The following DOK6 variants were observed in gnomAD, a reference collection of about 807,000 sequenced individuals.
The protein encoded by DOK6 is downstream of tyrosine kinase 6.
Under a neutral mutation model 44.0 loss-of-function variants are expected in DOK6, and 22 were observed. That is an observed-to-expected ratio of 0.50 (90% CI 0.36 to 0.71). DOK6 has a LOEUF of 0.71. Ranked by LOEUF, DOK6 falls within the 30% of genes least tolerant of loss-of-function variation. DOK6 has a pLI of 0.00. For missense variants in DOK6, 340 were observed against 416.4 expected (o/e 0.82, Z 1.60); for synonymous variants, 166 against 145.5 (o/e 1.14, Z -1.01).
At chr18:69,428,359 C>T (rs1376188158) in intron 1 of DOK6, among the ~76,000 whole-genome samples, 6 of 152,050 alleles carry the variant, frequency 3.9e-5, no homozygotes, top group Admixed American at 1.3e-4. Context: ...TTCATTCATT[C>T]CATGATACAG....
At chr18:69,726,429 G>A (rs532748659) in intron 5 of DOK6, among the ~76,000 whole-genome samples, 11 of 152,108 alleles carry the variant, frequency 7.2e-5, no homozygotes, top group South Asian at 2.1e-4. Flanking sequence ...TAATCTCACC[G>A]GGGAGAATAT....
chr18:69,623,621 C>G (rs1451146045), intron 3 of DOK6, among the ~76,000 whole-genome samples: 2 of 152,126 alleles, frequency 1.3e-5, no homozygotes, highest in African/African-American at 4.8e-5. Context: ...CAACTGTTAG[C>G]TCTAAGACGC....
At chr18:69,731,836 C>T (rs117972730) in intron 5 of DOK6, among the ~76,000 whole-genome samples, 1 of 152,260 alleles carries the variant, frequency 6.6e-6, no homozygotes, top group East Asian at 1.9e-4. Context: ...TCATAAATGA[C>T]AGAATTCAAG....
intron 5 of DOK6, among the ~76,000 whole-genome samples, chr18:69,713,611 A>T (rs1476690715): frequency 6.6e-6 from 1 of 152,298 alleles, no homozygotes; most frequent in East Asian, 1.9e-4. Context: ...TTTGCACATG[A>T]CAATTATTTT....
At chr18:69,824,160 A>G (rs1039022827) in intron 7 of DOK6, among the ~76,000 whole-genome samples, 25 of 150,174 alleles carry the variant, frequency 1.7e-4, no homozygotes, top group Non-Finnish European at 2.7e-4. Context: ...TCGTCATTTA[A>G]CATTAGGTAT....
intron 1 of DOK6, among the ~76,000 whole-genome samples, chr18:69,535,358 A>G (rs1193957943): frequency 2.0e-5 from 3 of 152,018 alleles, no homozygotes; most frequent in African/African-American, 7.2e-5. Context: ...CAGGAAAGCA[A>G]TTGCTTTCTG....
At chr18:69,837,408 G>A (rs1327049920) in intron 7 of DOK6, among the ~76,000 whole-genome samples, 1 of 152,174 alleles carries the variant, frequency 6.6e-6, no homozygotes, top group East Asian at 1.9e-4. Context: ...TATTCATGAT[G>A]ACAGAGCCCT....
At chr18:69,708,026 AG>A (rs1986674294) in intron 5 of DOK6, among the ~76,000 whole-genome samples, 1 of 152,180 alleles carries the variant, frequency 6.6e-6, no homozygotes, top group Non-Finnish European at 1.5e-5. Context: ...AGCGGATTTT[AG>A]CTGCTGGAGA....
chr18:69,403,950 C>G lies in DOK6; in HGVS notation c.66+2640C>G, dbSNP rs948333394. Among the ~76,000 whole-genome samples, 4 of 152,140 alleles carry G rather than the reference C, an allele frequency of 2.6e-5. No individual in the cohort carries two copies. In the South Asian group the frequency reaches 8.3e-4, roughly 32 times the overall value. ...AACATATTTTTTAACTCCAAGGACA[C>G]GATGAGTTTTTGTGATTTATGTCCA... On this transcript the variant is annotated intron_variant, in intron 1 of 7. Coordinates refer to ENST00000382713, the MANE Select transcript of DOK6 (RefSeq NM_152721.6).
chr18:69,459,187 TTGTGTGTGTGTGTGTGTGTGTGTG>T (rs71176967), intron 1 of DOK6, among the ~76,000 whole-genome samples: 1 of 136,876 alleles, frequency 7.3e-6, no homozygotes. Flanking sequence ...AAAAAATATT[TTGTGTGTGTGTGTGTGTGTGTGTG>T]TGTGTGTGTG....
chr18:69,588,769 A>G (rs1983561730), intron 2 of DOK6, among the ~76,000 whole-genome samples: 1 of 152,116 alleles, frequency 6.6e-6, no homozygotes, highest in Non-Finnish European at 1.5e-5. Context: ...AGAGTATTAT[A>G]GTTAATTTTA....
Position 69,846,390 on chromosome 18 carries a change from T to C in DOK6, c.*5007T>C, listed in dbSNP as rs1012674315. On this transcript the variant is annotated 3_prime_UTR_variant, in exon 8 of 8. Transcript: ENST00000382713. ...CCTTGGCTCCATGGCATCTCCCAGT[T>C]TGACATAGTGGGAGCTGAGAAATGC... 8.5e-5 allele frequency: 13 copies of C among 152,224 alleles called. No individual in the cohort carries two copies. Among genetic ancestry groups the C allele is most frequent in the African/African-American group, 2.9e-4 (12 of 41,456 alleles). The allele number at this position is 152,224 out of a possible 1,614,324, so 9.4% of individuals were successfully genotyped here.
chr18:69,681,163 T>C (rs1986034782), intron 4 of DOK6, among the ~76,000 whole-genome samples: 1 of 152,204 alleles, frequency 6.6e-6, no homozygotes, highest in Non-Finnish European at 1.5e-5. Flanking sequence ...TAGTTTGAAC[T>C]TTTTCTACTA....
chr18:69,795,140 G>C (rs996310399), intron 7 of DOK6, among the ~76,000 whole-genome samples: 1 of 152,032 alleles, frequency 6.6e-6, no homozygotes, highest in Non-Finnish European at 1.5e-5. Context: ...AAGGTTGTGG[G>C]CGTCTGATAT....
intron 6 of DOK6, among the ~76,000 whole-genome samples, chr18:69,743,665 G>GA (rs922280900): frequency 1.4e-4 from 21 of 150,428 alleles, no homozygotes; most frequent in African/African-American, 4.4e-4. Flanking sequence ...ACAAGAATGA[G>GA]AAAAAAAAAG....
chr18:69,639,722 T>TGGGG (rs1443337364), intron 3 of DOK6, among the ~76,000 whole-genome samples: 1 of 151,104 alleles, frequency 6.6e-6, no homozygotes, highest in African/African-American at 2.4e-5. Context: ...GAAGAAAGAG[T>TGGGG]GGGGAGGAAA....
At position 69,714,953 on chromosome 18, in the gene DOK6, T is replaced by C. The variant is rs548575854; in HGVS notation, c.599+16360T>C. ...CAAATCATACCGTAGAAAATTACTT[T>C]GTATATTTATTTAATGTGTTTTTTT... On this transcript the variant is annotated intron_variant, in intron 5 of 7. Transcript: ENST00000382713. Among the ~76,000 whole-genome samples, 25 of 152,304 alleles carry C rather than the reference T, an allele frequency of 1.6e-4. No homozygotes were observed. The South Asian group carries it at 5.2e-3, about 32-fold the overall frequency.
intron 3 of DOK6, among the ~76,000 whole-genome samples, chr18:69,674,311 G>A (rs1809401725): frequency 6.6e-6 from 1 of 152,108 alleles, no homozygotes; most frequent in African/African-American, 2.4e-5. Context: ...AGACTACAAA[G>A]GTTAATACTT....
Position 69,774,133 on chromosome 18 carries a change from G to GATATATAGATATATAT in DOK6, c.856+16267_856+16268insGATATATATATATATA, listed in dbSNP as rs1979979479. On this transcript the variant is annotated intron_variant, in intron 7 of 7. Transcript: ENST00000382713. ...TAGATTTATATAGATATATATATGA[G>GATATATAGATATATAT]ATATATATATATATATATATATAAT... 7.5e-5 allele frequency among the ~76,000 whole-genome samples: 5 copies of GATATATAGATATATAT among 66,866 alleles called. 1 individual carries two copies. The highest frequency in any genetic ancestry group is 1.3e-4 in the Non-Finnish European group (4 of 30,718). The allele number at this position is 66,866 out of a possible 152,430, so 43.9% of individuals were successfully genotyped here.
Sources: gnomAD v4.1 joint callset for allele counts (sites outside exome capture counted in the v4.1 genomes callset) on GRCh38, gnomAD v4.1.1 for gene constraint, MANE v1.5 for transcripts, NCBI Gene and HGNC (gene_info 2026-07-23, HGNC 2026-07-21) for gene names.